Variants in FGD4 observed in about 807,000 individuals in gnomAD.
FGD4 encodes FYVE, RhoGEF and PH domain containing 4.
FGD4 carries 42 observed loss-of-function variants against 102.0 expected under a neutral mutation model. The ratio of observed to expected loss-of-function variants is 0.41; its 90% CI spans 0.32 to 0.53. FGD4 has a LOEUF of 0.53. Ranked by LOEUF, FGD4 falls within the 20% of genes least tolerant of loss-of-function variation. The pLI is 0.21. For missense variants in FGD4, 902 were observed against 1,078.2 expected, an observed-to-expected ratio of 0.84 and a Z score of 2.29; for synonymous variants, 380 against 375.7, an observed-to-expected ratio of 1.01 and a Z score of -0.13.
intron 1 of FGD4, chr12:32,534,277 A>G (rs1333714528): frequency 1.5e-6 from 2 of 1,308,198 alleles, no homozygotes; most frequent in Non-Finnish European, 2.0e-6. Flanking sequence ...CATGTTTTGC[A>G]TAAGGTCGTC....
At position 32,582,507 on chromosome 12, in the gene FGD4, C is replaced by T. The variant is rs1946696593; in HGVS notation, c.1011+40C>T. 8 of 1,602,318 alleles carry T rather than the reference C, an allele frequency of 5.0e-6. No individual in the cohort carries two copies. In the East Asian group the frequency reaches 1.8e-4, roughly 36 times the overall value. On this transcript the variant is annotated intron_variant, in intron 4 of 16. Transcript: ENST00000534526. ...TAGCTCATGAGCAGGGAAAACCCTGCCTATTCGATTGTTGTCTTAAAACTC... is the reference window on the plus strand; with the variant it reads ...TAGCTCATGAGCAGGGAAAACCCTGTCTATTCGATTGTTGTCTTAAAACTC...
chr12:32,487,199 G>GT (rs1943935096), intron 1 of FGD4, among the ~76,000 whole-genome samples: 1 of 152,024 alleles, frequency 6.6e-6, no homozygotes, highest in South Asian at 2.1e-4. Flanking sequence ...GTCTTGCAAG[G>GT]TGCCTTTGGT....
chr12:32,448,658 CAAA>C (rs112621517), intron 1 of FGD4, among the ~76,000 whole-genome samples: 1 of 85,598 alleles, frequency 1.2e-5, no homozygotes. Context: ...AACTCCATCG[CAAA>C]AAAAAAAAAA....
At chr12:32,457,418 C>T (rs1022114305) in intron 1 of FGD4, among the ~76,000 whole-genome samples, 1 of 152,080 alleles carries the variant, frequency 6.6e-6, no homozygotes, top group Non-Finnish European at 1.5e-5. Flanking sequence ...CTAGATTTTC[C>T]TTACTATTTA....
intron 3 of FGD4, among the ~76,000 whole-genome samples, chr12:32,577,470 C>G (rs140926787): frequency 4.3e-4 from 65 of 152,294 alleles, no homozygotes; most frequent in African/African-American, 1.4e-3. Context: ...GAATTGTGAA[C>G]AAGCACAAAA....
intron 2 of FGD4, among the ~76,000 whole-genome samples, chr12:32,574,294 T>C (rs1265427767): frequency 6.6e-6 from 1 of 152,074 alleles, no homozygotes; most frequent in Non-Finnish European, 1.5e-5. Flanking sequence ...CCTTTAGTAT[T>C]CTAGCTAAGA....
chr12:32,431,340 A>G (rs532553014), intron 1 of FGD4, among the ~76,000 whole-genome samples: 1 of 152,212 alleles, frequency 6.6e-6, no homozygotes, highest in South Asian at 2.1e-4. Flanking sequence ...CAGGATATCC[A>G]CTTTTTCAGA....
intron 1 of FGD4, among the ~76,000 whole-genome samples, chr12:32,453,409 T>G (rs1211192704): frequency 6.6e-6 from 1 of 151,486 alleles, no homozygotes; most frequent in African/African-American, 2.4e-5. Context: ...AATTTTTGTA[T>G]TTTTAGTAGA....
At chr12:32,626,867 G>C (rs1389334140) in intron 14 of FGD4, among the ~76,000 whole-genome samples, 1 of 152,048 alleles carries the variant, frequency 6.6e-6, no homozygotes, top group East Asian at 1.9e-4. Flanking sequence ...TTGTTTTTGA[G>C]ACGGAGTTTT....
intron 3 of FGD4, among the ~76,000 whole-genome samples, chr12:32,577,399 C>G (rs185890559): frequency 2.3e-4 from 35 of 152,208 alleles, no homozygotes; most frequent in African/African-American, 5.1e-4. Context: ...ATTTATTTGT[C>G]GGATTTACTG....
In FGD4 at chr12:32,606,242, T is replaced by A. The variant is rs539614381; in HGVS notation, c.1405-1715T>A. Among the ~76,000 whole-genome samples, 19 of 152,224 alleles carry A rather than the reference T, an allele frequency of 1.2e-4. 1 individual carries two copies. In the South Asian group the frequency reaches 3.5e-3, roughly 28 times the overall value. ...TATTCTCTCAGCTTCTATGCCAATT[T>A]CAGGCCCTTATTATTTTCTTCCTGG... On this transcript the variant is annotated intron_variant, in intron 7 of 16. Coordinates refer to ENST00000534526, the MANE Select transcript of FGD4 (RefSeq NM_001370298.3).
At chr12:32,432,555 G>C in intron 1 of FGD4, among the ~76,000 whole-genome samples, 1 of 149,952 alleles carries the variant, frequency 6.7e-6, no homozygotes, top group Admixed American at 6.6e-5. Context: ...AGTGAGCCAA[G>C]ATCGCGCCAC....
chr12:32,497,377 C>A (rs1358790861), intron 1 of FGD4, among the ~76,000 whole-genome samples: 1 of 152,052 alleles, frequency 6.6e-6, no homozygotes, highest in East Asian at 1.9e-4. Context: ...ATAAAAACCC[C>A]ATTAAATTAA....
At chr12:32,602,048 G>A (rs1298515597) in intron 6 of FGD4, 113 bp from the exon 7 acceptor site, 5 of 908,878 alleles carry the variant, frequency 5.5e-6, no homozygotes, top group Non-Finnish European at 8.7e-6. Flanking sequence ...CTGGGAGGTC[G>A]AGGTTGCAGT....
intron 1 of FGD4, among the ~76,000 whole-genome samples, chr12:32,526,103 C>T (rs1236804350): frequency 2.0e-5 from 3 of 152,222 alleles, no homozygotes; most frequent in South Asian, 2.1e-4. Context: ...AGCCCCGGTG[C>T]GGGATCCACT....
intron 1 of FGD4, among the ~76,000 whole-genome samples, chr12:32,465,477 G>A (rs1591953607): frequency 6.6e-6 from 1 of 152,006 alleles, no homozygotes; most frequent in Middle Eastern, 3.4e-3. Context: ...AGACCATCCC[G>A]GCCAACATGG....
intron 3 of FGD4, among the ~76,000 whole-genome samples, chr12:32,576,794 G>A (rs1487117554): frequency 6.6e-6 from 1 of 152,020 alleles, no homozygotes; most frequent in Non-Finnish European, 1.5e-5. Context: ...CTCAATATCT[G>A]GGTTGGAAAG....
rs1212548898 is a variant in FGD4 at position 32,643,682 on chromosome 12, A to G, written c.*3149A>G. 1 of 150,614 alleles carries G rather than the reference A, an allele frequency of 6.6e-6. No individual in the cohort carries two copies. The highest frequency in any genetic ancestry group is 1.5e-5 in the Non-Finnish European group (1 of 67,602). 9.3% of individuals were successfully genotyped at this position (150,614 alleles called of 1,614,324 possible). On this transcript the variant is annotated 3_prime_UTR_variant, in exon 17 of 17. Coordinates refer to ENST00000534526, the MANE Select transcript of FGD4 (RefSeq NM_001370298.3). ...GCACACGTTTGGATTTTTTTTTTTT[A>G]AGAACACTTGTTCTAGTTATAAATA...
chr12:32,559,611 A>T (rs1944381163), intron 1 of FGD4, among the ~76,000 whole-genome samples: 1 of 152,234 alleles, frequency 6.6e-6, no homozygotes, highest in Non-Finnish European at 1.5e-5. Flanking sequence ...AACTTATTTT[A>T]AAAATAGATG....
Sources: allele counts gnomAD v4.1 joint callset (sites outside exome capture counted in the v4.1 genomes callset), GRCh38; gene constraint gnomAD v4.1.1; transcripts MANE v1.5; gene names NCBI Gene and HGNC (gene_info 2026-07-23, HGNC 2026-07-21).